Variants in RBFOX1 observed in about 807,000 individuals in gnomAD.
RBFOX1 encodes the protein RNA binding protein fox-1 homolog 1.
In RBFOX1, 8 loss-of-function variants were observed where a neutral mutation model predicts 57.7. The observed-to-expected ratio is 0.14, with a 90% CI of 0.08 to 0.25. The LOEUF (loss-of-function observed/expected upper bound fraction) is 0.25, where lower values mean the gene tolerates loss of function less well. Among genes scored for constraint, RBFOX1 ranks in the 10% least tolerant of loss-of-function variants. The probability of loss-of-function intolerance (pLI) is 1.00; values close to 1 mark genes in which losing one functional copy is unlikely to be tolerated. For missense variants in RBFOX1, 611 were observed against 548.5 expected (o/e 1.11, Z -1.14); for synonymous variants, 326 against 222.4 (o/e 1.47, Z -4.15).
At chr16:5,960,427 C>T (rs2059725035) in intron 4 of RBFOX1, among the ~76,000 whole-genome samples, 2 of 152,126 alleles carry the variant, frequency 1.3e-5, no homozygotes, top group South Asian at 2.1e-4. Context: ...TCCCAAATTC[C>T]ATTTTTTATG....
chr16:6,442,905 C>T (rs891814980), intron 2 of RBFOX1, among the ~76,000 whole-genome samples: 7 of 152,090 alleles, frequency 4.6e-5, no homozygotes, highest in East Asian at 3.9e-4. Context: ...GTTTGCCATG[C>T]GAAAGTAACC....
chr16:6,579,831 C>G (rs1320093169), intron 2 of RBFOX1, among the ~76,000 whole-genome samples: 1 of 152,100 alleles, frequency 6.6e-6, no homozygotes, highest in Non-Finnish European at 1.5e-5. Flanking sequence ...AGCTGTCCTC[C>G]CATATCAGCC....
At chr16:7,422,131 C>T (rs1307936329) in intron 4 of RBFOX1, among the ~76,000 whole-genome samples, 1 of 152,192 alleles carries the variant, frequency 6.6e-6, no homozygotes, top group Admixed American at 6.5e-5. Flanking sequence ...TGGGCCACAT[C>T]GTATTTCTGT....
At chr16:7,019,572 A>C (rs1244256784) in intron 3 of RBFOX1, among the ~76,000 whole-genome samples, 8 of 152,172 alleles carry the variant, frequency 5.3e-5, no homozygotes, top group African/African-American at 1.4e-4. Context: ...TTACAGTTCG[A>C]ATGAATGATC....
At chr16:5,421,670 T>C (rs547339164) in intron 1 of RBFOX1, among the ~76,000 whole-genome samples, 3 of 152,216 alleles carry the variant, frequency 2.0e-5, no homozygotes, top group Non-Finnish European at 2.9e-5. Flanking sequence ...TATTTTATTC[T>C]TTAATTATTA....
intron 2 of RBFOX1, among the ~76,000 whole-genome samples, chr16:6,641,568 C>G (rs1002009069): frequency 6.6e-6 from 1 of 151,802 alleles, no homozygotes; most frequent in Non-Finnish European, 1.5e-5. Context: ...AACCCCGTCT[C>G]TACTAGAAAT....
intron 4 of RBFOX1, chr16:7,126,387 C>T: frequency 4.1e-6 from 1 of 242,728 alleles, no homozygotes; most frequent in Non-Finnish European, 8.4e-6. Flanking sequence ...AGATCAATTC[C>T]TGACTACTTT....
At chr16:5,278,273 T>C (rs192636314) in intron 1 of RBFOX1, among the ~76,000 whole-genome samples, 13 of 152,376 alleles carry the variant, frequency 8.5e-5, no homozygotes, top group Admixed American at 8.5e-4. Flanking sequence ...TGAATATTTT[T>C]TCATAAACTT....
intron 1 of RBFOX1, among the ~76,000 whole-genome samples, chr16:6,227,881 G>T (rs111822259): frequency 6.6e-6 from 1 of 152,132 alleles, no homozygotes; most frequent in African/African-American, 2.4e-5. Context: ...CAGTAGGGAG[G>T]TTCCTCAAAA....
intron 3 of RBFOX1, among the ~76,000 whole-genome samples, chr16:6,781,278 C>T (rs1001522975): frequency 8.6e-5 from 13 of 152,040 alleles, no homozygotes; most frequent in African/African-American, 2.7e-4. Context: ...AGGAATGATT[C>T]CCATTTGATC....
intron 4 of RBFOX1, among the ~76,000 whole-genome samples, chr16:7,441,536 T>C (rs1375040942): frequency 6.6e-6 from 1 of 152,152 alleles, no homozygotes; most frequent in Admixed American, 6.5e-5. Flanking sequence ...ATAATATCTT[T>C]TTCACGTCAG....
At chr16:7,518,420 G>C (rs752451706) in intron 5 of RBFOX1, 31 bp downstream of exon 5, 4 of 1,581,354 alleles carry the variant, frequency 2.5e-6, no homozygotes, top group African/African-American at 1.3e-5. Flanking sequence ...CGGGTGGGAG[G>C]TTATGGGGAG....
chr16:6,528,538 T>A (rs2096613422), intron 2 of RBFOX1, among the ~76,000 whole-genome samples: 1 of 152,154 alleles, frequency 6.6e-6, no homozygotes, highest in Non-Finnish European at 1.5e-5. Context: ...CCTTCACACG[T>A]CCTATATTTG....
At chr16:6,292,060 C>A (rs1421142725) in intron 1 of RBFOX1, among the ~76,000 whole-genome samples, 4 of 151,894 alleles carry the variant, frequency 2.6e-5, no homozygotes, top group African/African-American at 9.7e-5. Context: ...TACTGCTGTG[C>A]CTTTGCACTT....
chr16:7,089,428 G>A (rs1305662584), intron 4 of RBFOX1, among the ~76,000 whole-genome samples: 1 of 152,082 alleles, frequency 6.6e-6, no homozygotes, highest in Non-Finnish European at 1.5e-5. Flanking sequence ...AGTCACGTGG[G>A]ATTGTCGCCT....
At chr16:6,462,852 T>G (rs1392511410) in intron 2 of RBFOX1, among the ~76,000 whole-genome samples, 2 of 152,244 alleles carry the variant, frequency 1.3e-5, no homozygotes, top group East Asian at 3.8e-4. Context: ...TGACGACTAA[T>G]TATACACAAA....
chr16:6,179,550 ACTGG>A (rs2097045819), intron 1 of RBFOX1, among the ~76,000 whole-genome samples: 1 of 152,108 alleles, frequency 6.6e-6, no homozygotes, highest in Non-Finnish European at 1.5e-5. Flanking sequence ...TTGGAGCCCT[ACTGG>A]GCTCAGAGAC....
intron 3 of RBFOX1, among the ~76,000 whole-genome samples, chr16:5,842,480 A>T (rs899333220): frequency 1.3e-5 from 2 of 152,210 alleles, no homozygotes; most frequent in Non-Finnish European, 2.9e-5. Context: ...CACCTACTGC[A>T]TGCCTGCCAC....
chr16:7,666,791 G>A (rs1439410412), intron 13 of RBFOX1, among the ~76,000 whole-genome samples: 1 of 152,188 alleles, frequency 6.6e-6, no homozygotes, highest in Non-Finnish European at 1.5e-5. Flanking sequence ...ATTCAGGGAA[G>A]AAAGCCACAG....
Sources: gnomAD v4.1 joint callset for allele counts (sites outside exome capture counted in the v4.1 genomes callset) on GRCh38, gnomAD v4.1.1 for gene constraint, MANE v1.5 for transcripts, NCBI Gene and HGNC (gene_info 2026-07-23, HGNC 2026-07-21) for gene names.